Variants in MAP1S observed in about 807,000 individuals in gnomAD.
The protein encoded by MAP1S is microtubule associated protein 1S.
A neutral mutation model predicts 60.9 loss-of-function variants in MAP1S; 27 were observed. The observed-to-expected ratio is 0.44, with a 90% CI of 0.33 to 0.61. The LOEUF (loss-of-function observed/expected upper bound fraction) is 0.61. MAP1S is among the 20% of genes least tolerant of loss of function. The pLI, the probability that MAP1S is intolerant of heterozygous loss-of-function variation, is 0.03. For missense variants in MAP1S, 1,608 were observed against 1,486.6 expected, an observed-to-expected ratio of 1.08 and a Z score of -1.34; for synonymous variants, 826 against 694.2, an observed-to-expected ratio of 1.19 and a Z score of -2.98.
intron 5 of MAP1S, among the ~76,000 whole-genome samples, chr19:17,729,144 GGT>G (rs1486207773): frequency 7.2e-5 from 11 of 152,158 alleles, no homozygotes; most frequent in Admixed American, 2.0e-4. Flanking sequence ...AGGCACATAG[GGT>G]GAAGTCCAAA....
In MAP1S at chr19:17,726,342, G is replaced by A. The variant is rs141363870; in HGVS notation, c.958G>A (p.Gly320Ser). Reference protein sequence around the residue: ...AERSEVAAGGGSWDDRLRRLI... With the variant: ...AERSEVAAGGSSWDDRLRRLI... ...GCGCTCCGAGGTGGCTGCTGGTGGG[G>A]GCTCCTGGGACGACAGGCTGCGCAG... The change falls in exon 5 of 7, where the codon GGC becomes AGC. Residue 320 changes from glycine (G) to serine (S), a missense_variant. Transcript: ENST00000324096. 15 of 1,602,054 alleles carry A rather than the reference G, an allele frequency of 9.4e-6. No homozygotes were observed. In the Admixed American group the frequency reaches 1.8e-4, roughly 20 times the overall value.
chr19:17,724,320 C>T lies in MAP1S; in HGVS notation c.303+112C>T, dbSNP rs544252340. 129 of 818,290 alleles carry T rather than the reference C, an allele frequency of 1.6e-4. No individual in the cohort carries two copies. The East Asian group carries it at 3.3e-3, about 21-fold the overall frequency. 50.7% of individuals were successfully genotyped at this position (818,290 alleles called of 1,614,324 possible). A position where few individuals can be genotyped will look rare whatever the true frequency, so the allele number is the denominator to read the frequency against. On this transcript the variant is annotated intron_variant, in intron 3 of 6. Transcript: ENST00000324096. Reference sequence around the variant, plus strand: ...CTGCCCCAGATCCTCTCAAGACACCCGGCACCACACTTCTTCGCCCACGAA... The same window carrying T: ...CTGCCCCAGATCCTCTCAAGACACCTGGCACCACACTTCTTCGCCCACGAA...
At position 17,727,266 on chromosome 19, in the gene MAP1S, T is replaced by C; in HGVS notation, c.1882T>C (p.Leu628=). The part of the protein sequence containing the change: ...AGEEKALELP[L]AASSIPRPRT... ...GGAGGAGAAGGCACTGGAGCTGCCT[T>C]TGGCCGCCAGCTCAATCCCAAGGCC... Residue 628 remains leucine, a synonymous_variant, in exon 5 of 7, where the codon TTG becomes CTG. Coordinates refer to ENST00000324096, the MANE Select transcript of MAP1S (RefSeq NM_018174.6). The surrounding 1 kb of genome is among the most constrained non-coding windows in gnomAD (Gnocchi z 4.1). The C allele has an allele frequency of 6.3e-7, 1 of 1,578,462 alleles. No homozygotes were observed. Among genetic ancestry groups the C allele is most frequent in the Non-Finnish European group, 8.6e-7 (1 of 1,167,708 alleles).
intron 1 of MAP1S, chr19:17,720,340 T>G: frequency 6.6e-7 from 1 of 1,515,548 alleles, no homozygotes; most frequent in Admixed American, 2.1e-5. Flanking sequence ...TTGAGGAGTG[T>G]TTAGTGAGCA....
intron 5 of MAP1S, among the ~76,000 whole-genome samples, chr19:17,732,653 A>G (rs774781068): frequency 2.0e-5 from 3 of 152,196 alleles, no homozygotes; most frequent in Non-Finnish European, 2.9e-5. Context: ...CCTGGTGCCC[A>G]TGAGGTTCTG....
At chr19:17,719,970 G>A in intron 1 of MAP1S, 1 of 311,792 alleles carries the variant, frequency 3.2e-6, no homozygotes, top group Non-Finnish European at 4.7e-6. Context: ...CCCGGGGGTA[G>A]GGCCTGGGGT....
chr19:17,722,484 C>T (rs982183948), intron 2 of MAP1S, among the ~76,000 whole-genome samples: 3 of 100,900 alleles, frequency 3.0e-5, no homozygotes, highest in Admixed American at 9.4e-5. Flanking sequence ...CATGGTGGCT[C>T]ACACCTATAA....
In MAP1S at chr19:17,726,884, G is replaced by C. The variant is rs1425868160; in HGVS notation, c.1500G>C (p.Gly500=). 9 of 1,557,266 alleles carry C rather than the reference G, an allele frequency of 5.8e-6. No homozygotes were observed. The highest frequency in any genetic ancestry group is 1.9e-5 in the Admixed American group (1 of 51,408). Reference sequence around the variant, plus strand: ...CTAGACCTGGCCAGGAGCGCCCTGGGGTGGCCCGCAAGGAGCCAGCACGGG... The same window carrying C: ...CTAGACCTGGCCAGGAGCGCCCTGGCGTGGCCCGCAAGGAGCCAGCACGGG... ...THPRPGQERP[G]VARKEPARAE... is the part of the protein sequence containing the mutation. The change falls in exon 5 of 7, where the codon GGG becomes GGC. Residue 500 remains glycine, a synonymous_variant. Coordinates refer to ENST00000324096, the MANE Select transcript of MAP1S (RefSeq NM_018174.6).
chr19:17,720,126 C>T, intron 1 of MAP1S: 5 of 1,268,392 alleles, frequency 3.9e-6, no homozygotes, highest in Non-Finnish European at 5.0e-6. Flanking sequence ...CGGGTGCGGC[C>T]TGCCCTGGGG....
intron 5 of MAP1S, among the ~76,000 whole-genome samples, chr19:17,731,210 A>G (rs1280222032): frequency 6.6e-6 from 1 of 152,134 alleles, no homozygotes; most frequent in Admixed American, 6.5e-5. Context: ...CAACAGTGAG[A>G]AGCTTCTACC....
chr19:17,727,874 C>G lies in MAP1S; in HGVS notation c.2490C>G (p.Val830=), dbSNP rs754741576. The G allele has an allele frequency of 6.2e-7, 1 of 1,612,242 alleles. No individual in the cohort carries two copies. Among genetic ancestry groups the G allele is most frequent in the African/African-American group, 1.3e-5 (1 of 74,852 alleles). ...ACCCTTTGCCTGACCCCCTCAAGGT[C>G]CCCCCACCACTGCCTGACCCATCCA... is the stretch of plus-strand genomic sequence containing the variant. The part of the protein sequence containing the change: ...RHDPLPDPLK[V]PPPLPDPSSI... Residue 830 remains valine, a synonymous_variant, in exon 5 of 7, where the codon GTC becomes GTG. Transcript: ENST00000324096. The surrounding 1 kb of genome is among the most constrained non-coding windows in gnomAD (Gnocchi z 4.1).
Position 17,726,419 on chromosome 19 carries a change from G to C in MAP1S, c.1035G>C (p.Ala345=), listed in dbSNP as rs774416297. The change falls in exon 5 of 7, where the codon GCG becomes GCC. Residue 345 remains alanine, a synonymous_variant. Coordinates refer to ENST00000324096, the MANE Select transcript of MAP1S (RefSeq NM_018174.6). ...TGTTCTTCAACGCCTGCGAGGCCGC[G>C]TCGCGGCTGGCGCGCGGCGAGGATG... ...GVVFFNACEA[A]SRLARGEDEA... The C allele has an allele frequency of 3.2e-6, 5 of 1,569,998 alleles. No homozygotes were observed. Among genetic ancestry groups the C allele is most frequent in the Non-Finnish European group, 4.3e-6 (5 of 1,165,426 alleles).
At position 17,727,537 on chromosome 19, in the gene MAP1S, G is replaced by T. The variant is rs777120532; in HGVS notation, c.2153G>T (p.Ser718Ile). ...GCCCCCACCAGTGAGGCTGGGCTGA[G>T]CCTCCCGCTGCGTGGCCCCCGGGCG... Reference protein sequence around the residue: ...PSAPTSEAGLSLPLRGPRARR... With the variant: ...PSAPTSEAGLILPLRGPRARR... Residue 718 changes from serine to isoleucine, a missense_variant, in exon 5 of 7, where the codon AGC becomes ATC. Transcript: ENST00000324096. The surrounding 1 kb of genome is among the most constrained non-coding windows in gnomAD (Gnocchi z 4.1). 3.7e-6 allele frequency: 6 copies of T among 1,609,312 alleles called. No homozygotes were observed. The East Asian group carries it at 1.3e-4, about 36-fold the overall frequency.
chr19:17,721,858 A>G (rs892536448), intron 2 of MAP1S, among the ~76,000 whole-genome samples: 5 of 152,128 alleles, frequency 3.3e-5, no homozygotes, highest in African/African-American at 9.7e-5. Context: ...ACTCAGCACG[A>G]GGCTCCCTTC....
intron 6 of MAP1S, among the ~76,000 whole-genome samples, chr19:17,733,936 G>A (rs923858479): frequency 4.6e-5 from 7 of 152,230 alleles, no homozygotes; most frequent in African/African-American, 1.7e-4. Flanking sequence ...CCAGGAAAAG[G>A]CCCAGAGGTA....
intron 2 of MAP1S, among the ~76,000 whole-genome samples, chr19:17,723,438 C>G (rs2080388648): frequency 6.6e-6 from 1 of 151,986 alleles, no homozygotes; most frequent in Non-Finnish European, 1.5e-5. Context: ...ATCCCAGCTA[C>G]TCGGGAGGCT....
rs754311497 is a variant in MAP1S, at chr19:17,727,474, C to A, written c.2090C>A (p.Ser697Tyr). 6.2e-7 allele frequency: 1 copy of A among 1,609,454 alleles called. No individual in the cohort carries two copies. The highest frequency in any genetic ancestry group is 8.5e-7 in the Non-Finnish European group (1 of 1,178,390). Residue 697 changes from serine (S) to tyrosine (Y), a missense_variant, in exon 5 of 7, where the codon TCC (serine) becomes TAC (tyrosine). Coordinates refer to ENST00000324096, the MANE Select transcript of MAP1S (RefSeq NM_018174.6). This position sits in a 1 kb window ranked among gnomAD's most constrained non-coding sequence, Gnocchi z 4.1. ...CCGCACTCGACCGAGGTGGACGAGTCCCTGTCGGTGTCCTTTGAGCAGGTG... is the reference window on the plus strand; with the variant it reads ...CCGCACTCGACCGAGGTGGACGAGTACCTGTCGGTGTCCTTTGAGCAGGTG... Reference protein sequence around the residue: ...GSPHSTEVDESLSVSFEQVLP... With the variant: ...GSPHSTEVDEYLSVSFEQVLP...
chr19:17,727,272 G>T lies in MAP1S; in HGVS notation c.1888G>T (p.Ala630Ser). The part of the protein sequence containing the change: ...EEKALELPLA[A>S]SSIPRPRTPS... Reference sequence around the variant, plus strand: ...GAAGGCACTGGAGCTGCCTTTGGCCGCCAGCTCAATCCCAAGGCCACGCAC... The same window carrying T: ...GAAGGCACTGGAGCTGCCTTTGGCCTCCAGCTCAATCCCAAGGCCACGCAC... The change falls in exon 5 of 7, where the codon GCC (alanine) becomes TCC (serine). Residue 630 changes from alanine (A) to serine (S), a missense_variant. Physicochemically the swap from Ala to Ser is moderately conservative, Grantham distance 99. Coordinates refer to ENST00000324096, the MANE Select transcript of MAP1S (RefSeq NM_018174.6). The surrounding 1 kb of genome is among the most constrained non-coding windows in gnomAD (Gnocchi z 4.1). 1 of 1,581,076 alleles carries T rather than the reference G, an allele frequency of 6.3e-7. No individual in the cohort carries two copies. The highest frequency in any genetic ancestry group is 8.6e-7 in the Non-Finnish European group (1 of 1,169,100).
chr19:17,726,437 C>T lies in MAP1S; in HGVS notation c.1053C>T (p.Gly351=), dbSNP rs1452153222. The change falls in exon 5 of 7, where the codon GGC becomes GGT. Residue 351 remains glycine, a synonymous_variant. Coordinates refer to ENST00000324096, the MANE Select transcript of MAP1S (RefSeq NM_018174.6). ...AGGCCGCGTCGCGGCTGGCGCGCGG[C>T]GAGGATGAGGCGGAGCTGGCGCTGA... ...ACEAASRLAR[G]EDEAELALSL... is the part of the protein sequence containing the mutation. 4.5e-6 allele frequency: 7 copies of T among 1,560,108 alleles called. No individual in the cohort carries two copies. Among genetic ancestry groups the T allele is most frequent in the Non-Finnish European group, 5.2e-6 (6 of 1,160,038 alleles).
Sources: gnomAD v4.1 joint callset for allele counts (sites outside exome capture counted in the v4.1 genomes callset) on GRCh38, gnomAD v4.1.1 for gene constraint, Gnocchi (gnomAD v3.1) non-coding constraint, MANE v1.5 for transcripts, NCBI Gene and HGNC (gene_info 2026-07-23, HGNC 2026-07-21) for gene names.